Variants in WWOX observed in about 807,000 individuals in gnomAD.
WWOX encodes WW domain containing oxidoreductase.
A neutral mutation model predicts 46.2 loss-of-function variants in WWOX; 69 were observed. The ratio of observed to expected loss-of-function variants is 1.49; its 90% CI spans 1.23 to 1.82. The LOEUF (loss-of-function observed/expected upper bound fraction) is 1.82, where lower values mean the gene tolerates loss of function less well. WWOX is among the 40% of genes most tolerant of loss of function. The pLI, the probability that WWOX is intolerant of heterozygous loss-of-function variation, is 0.00. For synonymous variants in WWOX, 359 were observed against 202.6 expected (o/e 1.77, Z -6.56); for missense variants, 919 against 542.6 (o/e 1.69, Z -6.89).
rs888797651 is a variant in WWOX at position 78,874,559 on chromosome 16, C to G, written c.1057-337049C>G. 2.0e-5 allele frequency among the ~76,000 whole-genome samples: 3 copies of G among 151,796 alleles called. 1 individual carries two copies. The East Asian group carries it at 5.8e-4, about 29-fold the overall frequency. ...AGGAAGAACTTGATGTTATTCATGG[C>G]AAAAGATGTCTGGATGGTCTCCACT... is the stretch of plus-strand genomic sequence containing the variant. On this transcript the variant is annotated intron_variant, in intron 8 of 8. Coordinates refer to ENST00000566780, the MANE Select transcript of WWOX (RefSeq NM_016373.4).
At chr16:78,953,084 C>A (rs1048961864) in intron 8 of WWOX, among the ~76,000 whole-genome samples, 3 of 151,592 alleles carry the variant, frequency 2.0e-5, no homozygotes, top group Non-Finnish European at 4.4e-5. Flanking sequence ...TGACCATATA[C>A]CAACCAAATT....
Position 78,191,883 on chromosome 16 carries a change from C to T in WWOX, c.516+27594C>T, listed in dbSNP as rs558418586. ...AGGAGTGATGGATGGAATGCCTGTACTTGGAATATTTTTAAATTAATCTAT... is the reference window on the plus strand; with the variant it reads ...AGGAGTGATGGATGGAATGCCTGTATTTGGAATATTTTTAAATTAATCTAT... On this transcript the variant is annotated intron_variant, in intron 5 of 8. Transcript: ENST00000566780. Among the ~76,000 whole-genome samples, 64 of 152,266 alleles carry T rather than the reference C, an allele frequency of 4.2e-4. No individual in the cohort carries two copies. The South Asian group carries it at 0.013, about 30-fold the overall frequency.
rs114184873 is a variant in WWOX at position 78,875,058 on chromosome 16, C to G, written c.1057-336550C>G. Among the ~76,000 whole-genome samples the G allele has an allele frequency of 6.1e-3, 929 of 152,220 alleles. 9 individuals are homozygous for G. The highest frequency in any genetic ancestry group is 0.021 in the African/African-American group (871 of 41,528). ...GAGAAAGTTACTATTTCATTTGCAG[C>G]AGGACAACTCAACAAGCTAGCTCTT... On this transcript the variant is annotated intron_variant, in intron 8 of 8. Transcript: ENST00000566780.
chr16:78,595,026 T>C (rs13334581), intron 8 of WWOX, among the ~76,000 whole-genome samples: 3,414 of 152,028 alleles, frequency 0.022, 126 homozygotes, highest in African/African-American at 0.079. Flanking sequence ...GGAACCAGAG[T>C]GGTTTGGGAA....
intron 8 of WWOX, among the ~76,000 whole-genome samples, chr16:78,916,183 A>G (rs1012002000): frequency 2.0e-5 from 3 of 152,224 alleles, no homozygotes; most frequent in Non-Finnish European, 4.4e-5. Context: ...ACGCTGCACA[A>G]GGAAGACCTT....
At chr16:79,064,089 T>C (rs1250904085) in intron 8 of WWOX, among the ~76,000 whole-genome samples, 1 of 152,226 alleles carries the variant, frequency 6.6e-6, no homozygotes, top group Admixed American at 6.5e-5. Flanking sequence ...CAGCAACATG[T>C]CTAGTGTTTA....
chr16:78,106,954 C>G (rs936109449), intron 1 of WWOX, among the ~76,000 whole-genome samples: 1 of 152,188 alleles, frequency 6.6e-6, no homozygotes, highest in Non-Finnish European at 1.5e-5. Flanking sequence ...GTGAGGCATT[C>G]CTGCACTATG....
chr16:78,314,737 A>G (rs1302090302), intron 5 of WWOX, among the ~76,000 whole-genome samples: 2 of 118,788 alleles, frequency 1.7e-5, no homozygotes, highest in African/African-American at 3.5e-5. Flanking sequence ...TTTTCAGTAG[A>G]GACAGGGTTT....
intron 8 of WWOX, among the ~76,000 whole-genome samples, chr16:78,781,623 C>G (rs868380947): frequency 7.2e-5 from 11 of 152,092 alleles, no homozygotes; most frequent in Admixed American, 2.0e-4. Flanking sequence ...CAGTGTTTTA[C>G]AAAGACATGA....
At chr16:78,689,925 A>T (rs774450746) in intron 8 of WWOX, among the ~76,000 whole-genome samples, 3 of 152,136 alleles carry the variant, frequency 2.0e-5, no homozygotes, top group East Asian at 1.9e-4. Context: ...CAGTGATGCA[A>T]TCTTGGCTCA....
chr16:78,558,953 T>A (rs1239891664), intron 8 of WWOX, among the ~76,000 whole-genome samples: 1 of 152,210 alleles, frequency 6.6e-6, no homozygotes, highest in Non-Finnish European at 1.5e-5. Context: ...TCTGTTTAAT[T>A]CTCTGCTGGC....
Position 78,183,429 on chromosome 16 carries a change from T to C in WWOX, c.516+19140T>C, listed in dbSNP as rs1055446940. Among the ~76,000 whole-genome samples the C allele has an allele frequency of 1.2e-4, 18 of 152,310 alleles. No homozygotes were observed. The South Asian group carries it at 1.5e-3, about 12-fold the overall frequency. On this transcript the variant is annotated intron_variant, in intron 5 of 8. Coordinates refer to ENST00000566780, the MANE Select transcript of WWOX (RefSeq NM_016373.4). ...TTTTCTTTGACTTTGGTGGTCTAGT[T>C]AGTGGTTGAGAACATGGATTTTGGA...
intron 8 of WWOX, among the ~76,000 whole-genome samples, chr16:79,020,348 C>A (rs930057938): frequency 1.3e-5 from 2 of 152,130 alleles, no homozygotes; most frequent in Admixed American, 6.6e-5. Flanking sequence ...AGTCTTAAGT[C>A]CAACCAGTGG....
intron 8 of WWOX, among the ~76,000 whole-genome samples, chr16:78,918,063 G>A (rs888422550): frequency 6.6e-6 from 1 of 151,954 alleles, no homozygotes; most frequent in Non-Finnish European, 1.5e-5. Flanking sequence ...TTAGCCAGGC[G>A]TGGTGGTGCA....
intron 4 of WWOX, among the ~76,000 whole-genome samples, chr16:78,137,519 C>G (rs2033840334): frequency 6.6e-6 from 1 of 152,146 alleles, no homozygotes; most frequent in South Asian, 2.1e-4. Context: ...TGTTTTGTGT[C>G]TAGGACCAAG....
chr16:78,128,592 A>G (rs991873451), intron 4 of WWOX, among the ~76,000 whole-genome samples: 1 of 152,200 alleles, frequency 6.6e-6, no homozygotes, highest in Non-Finnish European at 1.5e-5. Context: ...CACAAACGGG[A>G]TGCTCCTTGC....
chr16:78,426,961 C>G (rs1203762270), intron 7 of WWOX, among the ~76,000 whole-genome samples: 1 of 152,202 alleles, frequency 6.6e-6, no homozygotes, highest in African/African-American at 2.4e-5. Context: ...CACGCCCGGC[C>G]TCTTTGCACA....
chr16:78,542,488 A>C (rs540507807), intron 8 of WWOX, among the ~76,000 whole-genome samples: 14 of 152,232 alleles, frequency 9.2e-5, no homozygotes, highest in Admixed American at 5.9e-4. Flanking sequence ...TTAGTAGTTA[A>C]AGCTGAGAGC....
chr16:78,569,248 C>G (rs2257003), intron 8 of WWOX, among the ~76,000 whole-genome samples: 1 of 152,168 alleles, frequency 6.6e-6, no homozygotes, highest in African/African-American at 2.4e-5. Context: ...TTCCTTGTCT[C>G]TCTATATTGT....
Sources: allele counts gnomAD v4.1 joint callset (sites outside exome capture counted in the v4.1 genomes callset), GRCh38; gene constraint gnomAD v4.1.1; transcripts MANE v1.5; gene names NCBI Gene and HGNC (gene_info 2026-07-23, HGNC 2026-07-21).